Variants in ATF6 observed in about 807,000 individuals in gnomAD.
The protein encoded by ATF6 is activating transcription factor 6.
ATF6 carries 53 observed loss-of-function variants against 83.6 expected under a neutral mutation model. The ratio of observed to expected loss-of-function variants is 0.63; its 90% CI spans 0.51 to 0.80. ATF6 has a LOEUF of 0.80. Among genes scored for constraint, ATF6 ranks in the 30% least tolerant of loss-of-function variants. The probability of loss-of-function intolerance (pLI) is 0.00; values close to 1 mark genes in which losing one functional copy is unlikely to be tolerated. For missense variants in ATF6, 744 were observed against 797.9 expected, an observed-to-expected ratio of 0.93 and a Z score of 0.81; for synonymous variants, 288 against 285.8, an observed-to-expected ratio of 1.01 and a Z score of -0.08.
At chr1:161,883,474 AGGGTTTATT>A (rs1158661057) in intron 14 of ATF6, among the ~76,000 whole-genome samples, 1 of 151,994 alleles carries the variant, frequency 6.6e-6, no homozygotes, top group Non-Finnish European at 1.5e-5. Flanking sequence ...AGCTGTTTTT[AGGGTTTATT>A]CAGATTGACT....
intron 15 of ATF6, among the ~76,000 whole-genome samples, chr1:161,952,674 TATATA>T (rs1688889614): frequency 6.6e-6 from 1 of 152,104 alleles, no homozygotes; most frequent in African/African-American, 2.4e-5. Context: ...GCATTATATA[TATATA>T]ATATATCATA....
Position 161,819,722 on chromosome 1 carries a change from G to T in ATF6, c.999G>T (p.Gly333=), listed in dbSNP as rs138069779. 5 of 1,613,216 alleles carry T rather than the reference G, an allele frequency of 3.1e-6. No individual in the cohort carries two copies. In the African/African-American group the frequency reaches 6.7e-5, roughly 22 times the overall value. The part of the protein sequence containing the change: ...SRKKKKEYML[G]LEARLKAALS... ...AGAAGAAGAAAGAATATATGCTAGG[G>T]TTAGAGGCGAGATTAAAGGCTGCCC... is the stretch of plus-strand genomic sequence containing the variant. The change falls in exon 8 of 16, where the codon GGG becomes GGT. Residue 333 remains glycine, a synonymous_variant. Coordinates refer to ENST00000367942, the MANE Select transcript of ATF6 (RefSeq NM_007348.4).
chr1:161,788,522 T>A (rs561298634), intron 4 of ATF6, among the ~76,000 whole-genome samples: 2 of 152,262 alleles, frequency 1.3e-5, no homozygotes, highest in East Asian at 3.9e-4. Context: ...CTATTAACTT[T>A]GTAGTCTTTA....
At chr1:161,817,712 T>C (rs1557976565) in intron 7 of ATF6, among the ~76,000 whole-genome samples, 2 of 152,120 alleles carry the variant, frequency 1.3e-5, no homozygotes, top group Non-Finnish European at 2.9e-5. Flanking sequence ...GTTGAAAATA[T>C]TTGGTGTTGG....
intron 7 of ATF6, among the ~76,000 whole-genome samples, chr1:161,813,014 C>T (rs1685513338): frequency 1.3e-5 from 2 of 151,996 alleles, no homozygotes; most frequent in African/African-American, 4.8e-5. Flanking sequence ...ATTAATAGAG[C>T]CTTTACTTTC....
rs1689028670 is a variant in ATF6, at chr1:161,959,159, AT to A, written c.*508del. 1 of 152,484 alleles carries A rather than the reference AT, an allele frequency of 6.6e-6. No homozygotes were observed. Among genetic ancestry groups the A allele is most frequent in the Non-Finnish European group, 1.5e-5 (1 of 68,108 alleles). The allele number at this position is 152,484 out of a possible 1,614,324, so 9.4% of individuals were successfully genotyped here. Reference sequence around the variant, plus strand: ...ATATTGTGCTTATTTGAGAAAACACATTTCAAAACCAGAAAAGCCAAAAACA... The same window carrying A: ...ATATTGTGCTTATTTGAGAAAACACATTCAAAACCAGAAAAGCCAAAAACA... On this transcript the variant is annotated 3_prime_UTR_variant, in exon 16 of 16. Coordinates refer to ENST00000367942, the MANE Select transcript of ATF6 (RefSeq NM_007348.4).
intron 9 of ATF6, among the ~76,000 whole-genome samples, chr1:161,834,447 TA>T (rs1449116633): frequency 6.6e-6 from 1 of 151,744 alleles, no homozygotes; most frequent in African/African-American, 2.4e-5. Flanking sequence ...TATGCAGCCA[TA>T]AAAAAGATGA....
At chr1:161,896,760 A>G (rs1014091308) in intron 14 of ATF6, among the ~76,000 whole-genome samples, 3 of 152,230 alleles carry the variant, frequency 2.0e-5, no homozygotes, top group African/African-American at 7.2e-5. Flanking sequence ...TGAAGTATTT[A>G]GAATTTCTTA....
At position 161,843,665 on chromosome 1, in the gene ATF6, A is replaced by G. The variant is rs373641086; in HGVS notation, c.1188-2784A>G. 4.7e-3 allele frequency among the ~76,000 whole-genome samples: 719 copies of G among 152,304 alleles called. 4 individuals carry two copies. The highest frequency in any genetic ancestry group is 0.016 in the African/African-American group (685 of 41,578). On this transcript the variant is annotated intron_variant, in intron 9 of 15. Coordinates refer to ENST00000367942, the MANE Select transcript of ATF6 (RefSeq NM_007348.4). ...TACTGTTAAAATATACTGTATTTGC[A>G]TCTTAGAAGAGCATTTAACATTCTT... is the stretch of plus-strand genomic sequence containing the variant.
intron 7 of ATF6, 85 bp downstream of exon 7, chr1:161,802,357 TG>T: frequency 2.3e-6 from 3 of 1,279,584 alleles, no homozygotes; most frequent in Non-Finnish European, 3.3e-6. Context: ...GCCTTGTTTT[TG>T]TTTTTTTTAG....
At chr1:161,804,538 T>C (rs1685231710) in intron 7 of ATF6, among the ~76,000 whole-genome samples, 1 of 152,108 alleles carries the variant, frequency 6.6e-6, no homozygotes, top group Non-Finnish European at 1.5e-5. Flanking sequence ...AAGGTTGTTA[T>C]GTGGAAAATA....
At chr1:161,937,449 G>A (rs1300009668) in intron 15 of ATF6, among the ~76,000 whole-genome samples, 1 of 150,450 alleles carries the variant, frequency 6.6e-6, no homozygotes, top group Non-Finnish European at 1.5e-5. Flanking sequence ...GAATATTTGT[G>A]TCCCATTAAA....
At chr1:161,918,427 C>G (rs891332814) in intron 15 of ATF6, among the ~76,000 whole-genome samples, 2 of 151,988 alleles carry the variant, frequency 1.3e-5, no homozygotes, top group Non-Finnish European at 2.9e-5. Flanking sequence ...TAAATAAAAC[C>G]ATGCAAAAAG....
intron 14 of ATF6, among the ~76,000 whole-genome samples, chr1:161,883,243 G>C (rs1486749729): frequency 6.6e-6 from 1 of 151,900 alleles, no homozygotes; most frequent in Admixed American, 6.6e-5. Context: ...AAGAGAATCA[G>C]AAACTTGAAA....
chr1:161,870,201 A>G (rs1687092614), intron 14 of ATF6, among the ~76,000 whole-genome samples: 1 of 151,792 alleles, frequency 6.6e-6, no homozygotes, highest in Non-Finnish European at 1.5e-5. Flanking sequence ...TTGTTTGTTA[A>G]TTACCTGATT....
At chr1:161,801,925 T>C (rs559776696) in intron 6 of ATF6, 127 bp from the exon 7 acceptor site, 32 of 768,512 alleles carry the variant, frequency 4.2e-5, no homozygotes, top group East Asian at 2.6e-4. Context: ...AATGTTTTAA[T>C]TGATGGTGTC....
At chr1:161,856,771 T>C (rs1186886698) in intron 12 of ATF6, among the ~76,000 whole-genome samples, 1 of 152,216 alleles carries the variant, frequency 6.6e-6, no homozygotes, top group African/African-American at 2.4e-5. Flanking sequence ...TTTTCTTTCC[T>C]AGTCATTAAA....
intron 9 of ATF6, among the ~76,000 whole-genome samples, chr1:161,843,552 C>T (rs1325075853): frequency 6.6e-6 from 1 of 152,158 alleles, no homozygotes; most frequent in Admixed American, 6.6e-5. Context: ...AGAGCATAAA[C>T]TTGGGCAAAC....
chr1:161,901,112 A>C (rs1687778821), intron 14 of ATF6, among the ~76,000 whole-genome samples: 1 of 152,154 alleles, frequency 6.6e-6, no homozygotes, highest in African/African-American at 2.4e-5. Flanking sequence ...ATACATATGA[A>C]ATATTTGTAT....
Sources: allele counts gnomAD v4.1 joint callset (sites outside exome capture counted in the v4.1 genomes callset), GRCh38; gene constraint gnomAD v4.1.1; transcripts MANE v1.5; gene names NCBI Gene and HGNC (gene_info 2026-07-23, HGNC 2026-07-21).